CDH23: variants seen among roughly 807,000 people sequenced by gnomAD.
CDH23 encodes the protein cadherin-23.
Under a neutral mutation model 317.1 loss-of-function variants are expected in CDH23, and 189 were observed. The ratio of observed to expected loss-of-function variants is 0.60; its 90% CI spans 0.53 to 0.67. CDH23 has a LOEUF of 0.67. Among genes scored for constraint, CDH23 ranks in the 30% least tolerant of loss-of-function variants. The pLI is 0.00. For missense variants in CDH23, 4,401 were observed against 4,592.4 expected, an observed-to-expected ratio of 0.96 and a Z score of 1.20; for synonymous variants, 1,839 against 1,876.8, an observed-to-expected ratio of 0.98 and a Z score of 0.52.
intron 2 of CDH23, among the ~76,000 whole-genome samples, chr10:71,444,971 T>C (rs913017077): frequency 6.6e-6 from 1 of 152,132 alleles, no homozygotes; most frequent in Non-Finnish European, 1.5e-5. Flanking sequence ...TGAAGGCCCC[T>C]AAGAGAAGCT....
rs989634732 is a variant in CDH23, at chr10:71,751,174, G to T, written c.4845+9253G>T. 1.3e-6 allele frequency: 2 copies of T among 1,504,642 alleles called. No individual in the cohort carries two copies. Among genetic ancestry groups the T allele is most frequent in the African/African-American group, 1.4e-5 (1 of 71,816 alleles). The allele number at this position is 1,504,642 out of a possible 1,614,324, so 93.2% of individuals were successfully genotyped here. A position where few individuals can be genotyped will look rare whatever the true frequency, so the allele number is the denominator to read the frequency against. ...AGGGAACCAGGGCCGAGGCCAAGGA[G>T]GCCACTCACAGAGCCAGCCCTGGCT... On this transcript the variant is annotated intron_variant, in intron 38 of 69. Transcript: ENST00000224721. The surrounding 1 kb of genome is among the most constrained non-coding windows in gnomAD (Gnocchi z 4.9).
At position 71,566,801 on chromosome 10, in the gene CDH23, A is replaced by G; in HGVS notation, c.489A>G (p.Ala163=). Residue 163 remains alanine, a synonymous_variant, in exon 7 of 70, where the codon GCA becomes GCG. Coordinates refer to ENST00000224721, the MANE Select transcript of CDH23 (RefSeq NM_022124.6). The part of the protein sequence containing the change: ...IVNATDPDLG[A]GGSVLYSFQP... ...ATGCCACAGACCCCGACTTGGGGGC[A>G]GGGGGCAGCGTCCTCTACTCCTTCC... is the stretch of plus-strand genomic sequence containing the variant. 1.2e-6 allele frequency: 2 copies of G among 1,613,252 alleles called. No individual in the cohort carries two copies. Among genetic ancestry groups the G allele is most frequent in the Middle Eastern group, 1.7e-4 (1 of 6,060 alleles).
intron 55 of CDH23, among the ~76,000 whole-genome samples, chr10:71,804,554 C>T (rs1052140349): frequency 1.3e-5 from 2 of 152,172 alleles, no homozygotes; most frequent in Non-Finnish European, 2.9e-5. Flanking sequence ...TGAGGTCCTG[C>T]GGGAGAAAAC....
At position 71,803,345 on chromosome 10, in the gene CDH23, G is replaced by T. The variant is rs1470780183; in HGVS notation, c.7797G>T (p.Val2599=). 1.9e-6 allele frequency: 3 copies of T among 1,597,728 alleles called. No individual in the cohort carries two copies. The highest frequency in any genetic ancestry group is 2.6e-6 in the Non-Finnish European group (3 of 1,172,562). The change falls in exon 55 of 70, where the codon GTG becomes GTT. Residue 2599 remains valine (V), a synonymous_variant. Transcript: ENST00000224721. The part of the protein sequence containing the change: ...PPLWGTTMLL[V]EVIDVNDNRP... ...TCTGGGGCACCACCATGCTCCTGGT[G>T]GAGGTCATCGACGTCAATGACAACC...
intron 38 of CDH23, among the ~76,000 whole-genome samples, chr10:71,775,944 G>A (rs560093880): frequency 3.3e-5 from 5 of 152,176 alleles, no homozygotes; most frequent in Non-Finnish European, 5.9e-5. Context: ...CTTACTTGCC[G>A]GCAAGAATAC....
chr10:71,551,352 G>A (rs960192960), intron 6 of CDH23, among the ~76,000 whole-genome samples: 5 of 152,196 alleles, frequency 3.3e-5, no homozygotes, highest in Non-Finnish European at 4.4e-5. Context: ...TGCCCTAGGA[G>A]CTGTTGGGCC....
intron 12 of CDH23, among the ~76,000 whole-genome samples, chr10:71,645,425 G>GCTTCT (rs1862789396): frequency 1.3e-5 from 2 of 152,204 alleles, no homozygotes; most frequent in Non-Finnish European, 2.9e-5. Flanking sequence ...CCGCTTAACT[G>GCTTCT]CTTCTCTTCT....
intron 38 of CDH23, among the ~76,000 whole-genome samples, chr10:71,746,479 C>T (rs552122105): frequency 5.9e-5 from 9 of 152,370 alleles, no homozygotes; most frequent in South Asian, 2.1e-4. Context: ...GACCCAGGCC[C>T]GCCACACAAT....
Position 71,759,904 on chromosome 10 carries a change from T to TAC in CDH23, c.4846-17766_4846-17765dup, listed in dbSNP as rs368682291. 9.1e-5 allele frequency among the ~76,000 whole-genome samples: 5 copies of TAC among 54,766 alleles called. 1 individual carries two copies. The Admixed American group carries it at 1.0e-3, about 11-fold the overall frequency. 35.9% of individuals were successfully genotyped at this position (54,766 alleles called of 152,430 possible). ...ACACACATATACACACACACATATA[T>TAC]ACACACACACATATATACACACACA... On this transcript the variant is annotated intron_variant, in intron 38 of 69. Coordinates refer to ENST00000224721, the MANE Select transcript of CDH23 (RefSeq NM_022124.6).
At chr10:71,457,360 C>T (rs1249541334) in intron 3 of CDH23, among the ~76,000 whole-genome samples, 2 of 152,190 alleles carry the variant, frequency 1.3e-5, no homozygotes, top group Non-Finnish European at 2.9e-5. Flanking sequence ...AGTACGATCA[C>T]CTTGTTCCAG....
chr10:71,413,707 G>GC (rs1396333733), intron 1 of CDH23, among the ~76,000 whole-genome samples: 1 of 151,442 alleles, frequency 6.6e-6, no homozygotes, highest in Non-Finnish European at 1.5e-5. Context: ...CCTTAAAATT[G>GC]TTTTTTTTAG....
chr10:71,674,082 C>T (rs139626463), intron 14 of CDH23, among the ~76,000 whole-genome samples: 30 of 152,278 alleles, frequency 2.0e-4, no homozygotes, highest in African/African-American at 7.2e-4. Flanking sequence ...AGCTGGCAGC[C>T]CAGAGCCCCC....
At chr10:71,659,175 C>T (rs1863540702) in intron 14 of CDH23, among the ~76,000 whole-genome samples, 1 of 152,194 alleles carries the variant, frequency 6.6e-6, no homozygotes, top group Non-Finnish European at 1.5e-5. Flanking sequence ...AGACAATGGA[C>T]CCCCTGGGCC....
chr10:71,760,919 C>G (rs1840365352), intron 38 of CDH23: 1 of 1,613,858 alleles, frequency 6.2e-7, no homozygotes. Flanking sequence ...GATGGTGCAT[C>G]TTTGCCTGTG....
chr10:71,610,958 C>T (rs10823800), intron 9 of CDH23, among the ~76,000 whole-genome samples: 5,624 of 151,982 alleles, frequency 0.037, 352 homozygotes, highest in East Asian at 0.3. Flanking sequence ...AGATACTCCC[C>T]GACCCTGGAA....
intron 14 of CDH23, among the ~76,000 whole-genome samples, chr10:71,657,424 G>T (rs371071876): frequency 6.6e-6 from 1 of 152,348 alleles, no homozygotes. Context: ...GTTCTCCATG[G>T]TTTTCTAGAA....
chr10:71,806,045 C>T (rs1564803950), intron 56 of CDH23, 48 bp downstream of exon 56: 1 of 1,539,772 alleles, frequency 6.5e-7, no homozygotes, highest in Non-Finnish European at 8.7e-7. Flanking sequence ...GCGGGGCTTT[C>T]TTCTGGGGGC....
rs147117996 is a variant in CDH23, at chr10:71,781,873, G to T, written c.5369-2414G>T. 1.6e-3 allele frequency among the ~76,000 whole-genome samples: 246 copies of T among 152,270 alleles called. 1 individual carries two copies. The highest frequency in any genetic ancestry group is 5.8e-3 in the African/African-American group (241 of 41,558). On this transcript the variant is annotated intron_variant, in intron 41 of 69. Transcript: ENST00000224721. ...ATGAAGGCCCAGAGAGGTGAGGAAG[G>T]CCTGATGGTACTGCTGACATGGGTC...
Position 71,751,377 on chromosome 10 carries a change from G to T in CDH23, c.4845+9456G>T, listed in dbSNP as rs999052671. 1.9e-6 allele frequency: 2 copies of T among 1,030,656 alleles called. No individual in the cohort carries two copies. The highest frequency in any genetic ancestry group is 1.7e-5 in the African/African-American group (1 of 60,066). The allele number at this position is 1,030,656 out of a possible 1,614,324, so 63.8% of individuals were successfully genotyped here. ...CCGTGAGGCCGTGGAACTCTTCAGG[G>T]AGGTGAATGGGGGCCCCTCTGTCCC... On this transcript the variant is annotated intron_variant, in intron 38 of 69. Coordinates refer to ENST00000224721, the MANE Select transcript of CDH23 (RefSeq NM_022124.6). This position sits in a 1 kb window ranked among gnomAD's most constrained non-coding sequence, Gnocchi z 4.9.
Sources: allele counts gnomAD v4.1 joint callset (sites outside exome capture counted in the v4.1 genomes callset), GRCh38; gene constraint gnomAD v4.1.1; non-coding constraint Gnocchi (gnomAD v3.1); transcripts MANE v1.5; gene names NCBI Gene and HGNC (gene_info 2026-07-23, HGNC 2026-07-21).